CACNG2: variants seen among roughly 807,000 people sequenced by gnomAD.
CACNG2 encodes the protein voltage-dependent calcium channel gamma-2 subunit.
Under a neutral mutation model 25.9 loss-of-function variants are expected in CACNG2, and 3 were observed. That is an observed-to-expected ratio of 0.12 (90% CI 0.05 to 0.30). The LOEUF is 0.30. Ranked by LOEUF, CACNG2 falls within the 10% of genes least tolerant of loss-of-function variation. The pLI is 1.00. For missense variants in CACNG2, 341 were observed against 432.5 expected (o/e 0.79, Z 1.88); for synonymous variants, 167 against 173.3 (o/e 0.96, Z 0.29).
chr22:36,627,783 C>T (rs1936206197), intron 1 of CACNG2, among the ~76,000 whole-genome samples: 1 of 151,964 alleles, frequency 6.6e-6, no homozygotes. Flanking sequence ...CCACCATGCC[C>T]AGCAATTGAC....
chr22:36,684,653 T>A (rs1454338411), intron 1 of CACNG2, among the ~76,000 whole-genome samples: 1 of 151,454 alleles, frequency 6.6e-6, no homozygotes, highest in Non-Finnish European at 1.5e-5. Context: ...AAGATATGTG[T>A]TTGATTAATA....
chr22:36,609,659 CCCCCAGAGCGTGATCG>C (rs1935901821), intron 1 of CACNG2, among the ~76,000 whole-genome samples: 1 of 130,522 alleles, frequency 7.7e-6, no homozygotes, highest in African/African-American at 3.3e-5. Flanking sequence ...AGGAATCAGC[CCCCCAGAGCGTGATCG>C]GGCAGGAATC....
chr22:36,577,509 G>A (rs1337446415), intron 2 of CACNG2, among the ~76,000 whole-genome samples: 2 of 152,044 alleles, frequency 1.3e-5, no homozygotes, highest in Non-Finnish European at 2.9e-5. Flanking sequence ...AATGAGCCAG[G>A]CGTGGTGGCG....
chr22:36,618,487 T>G (rs1222326707), intron 1 of CACNG2, among the ~76,000 whole-genome samples: 1 of 152,240 alleles, frequency 6.6e-6, no homozygotes, highest in East Asian at 1.9e-4. Context: ...TACCTTTCTC[T>G]AGTCCTGACA....
chr22:36,567,789 C>T (rs1935152543), intron 2 of CACNG2, among the ~76,000 whole-genome samples: 1 of 152,044 alleles, frequency 6.6e-6, no homozygotes, highest in Non-Finnish European at 1.5e-5. Context: ...GTCCTGGGAG[C>T]CATGGGCTAG....
chr22:36,607,005 G>A (rs1935846851), intron 1 of CACNG2, among the ~76,000 whole-genome samples: 1 of 151,642 alleles, frequency 6.6e-6, no homozygotes. Flanking sequence ...TGTGGTGTGT[G>A]TGTATGTCTG....
intron 1 of CACNG2, among the ~76,000 whole-genome samples, chr22:36,601,725 C>T (rs1485644829): frequency 6.6e-6 from 1 of 152,146 alleles, no homozygotes. Context: ...CCTTGTGATC[C>T]ATGCGCCTCG....
At chr22:36,655,793 CTTCT>C (rs1183521013) in intron 1 of CACNG2, among the ~76,000 whole-genome samples, 7 of 122,034 alleles carry the variant, frequency 5.7e-5, no homozygotes, top group African/African-American at 2.2e-4. Flanking sequence ...TCCTTCCTTC[CTTCT>C]TTCTTCTTTC....
At chr22:36,575,686 C>T (rs1935301251) in intron 2 of CACNG2, among the ~76,000 whole-genome samples, 1 of 152,168 alleles carries the variant, frequency 6.6e-6, no homozygotes, top group South Asian at 2.1e-4. Flanking sequence ...GGCCCTGTCC[C>T]TCAATGATGG....
At chr22:36,639,191 G>C (rs1936404794) in intron 1 of CACNG2, among the ~76,000 whole-genome samples, 2 of 152,264 alleles carry the variant, frequency 1.3e-5, no homozygotes, top group South Asian at 4.2e-4. Context: ...CTATCAAGTG[G>C]AGCCAACAAC....
At chr22:36,699,185 C>T (rs1423156451) in intron 1 of CACNG2, among the ~76,000 whole-genome samples, 4 of 152,056 alleles carry the variant, frequency 2.6e-5, no homozygotes, top group Non-Finnish European at 5.9e-5. Flanking sequence ...TCATCTCCCA[C>T]CCACGCTCCT....
At chr22:36,648,766 CT>C (rs1936565926) in intron 1 of CACNG2, among the ~76,000 whole-genome samples, 1 of 152,164 alleles carries the variant, frequency 6.6e-6, no homozygotes, top group South Asian at 2.1e-4. Context: ...TGGGAATCTT[CT>C]TTGCTTTTTT....
intron 1 of CACNG2, among the ~76,000 whole-genome samples, chr22:36,694,963 C>T (rs748045372): frequency 6.6e-6 from 1 of 152,138 alleles, no homozygotes; most frequent in East Asian, 1.9e-4. Context: ...CTCCTGTACT[C>T]CCAGCACTTT....
intron 1 of CACNG2, among the ~76,000 whole-genome samples, chr22:36,687,988 A>G (rs1459636407): frequency 1.3e-5 from 2 of 152,164 alleles, no homozygotes; most frequent in Non-Finnish European, 2.9e-5. Flanking sequence ...ATCAGATAAT[A>G]GGTTTTTGTT....
intron 2 of CACNG2, among the ~76,000 whole-genome samples, chr22:36,582,335 G>C (rs1935431173): frequency 6.6e-6 from 1 of 151,500 alleles, no homozygotes; most frequent in South Asian, 2.1e-4. Context: ...ACGGGGCTCA[G>C]TCCTATTCCT....
chr22:36,586,554 G>C (rs574660458), intron 2 of CACNG2, among the ~76,000 whole-genome samples: 3 of 152,322 alleles, frequency 2.0e-5, no homozygotes, highest in African/African-American at 7.2e-5. Context: ...AGTAATTATT[G>C]AAAGAGACAG....
chr22:36,562,317 T>C lies in CACNG2; in HGVS notation c.*2034A>G, dbSNP rs1453765660. 6.6e-6 allele frequency: 1 copy of C among 152,144 alleles called. No homozygotes were observed. 9.4% of individuals were successfully genotyped at this position (152,144 alleles called of 1,614,324 possible). A position where few individuals can be genotyped will look rare whatever the true frequency, so the allele number is the denominator to read the frequency against. On this transcript the variant is annotated 3_prime_UTR_variant, in exon 4 of 4. Transcript: ENST00000300105. ...CAGGTGGCAGATCTTAAGTCACAGA[T>C]ACATAGAGCAAGAATGGGCCTTTAG...
At chr22:36,599,245 C>T (rs1365115874) in intron 1 of CACNG2, among the ~76,000 whole-genome samples, 1 of 142,042 alleles carries the variant, frequency 7.0e-6, no homozygotes, top group Non-Finnish European at 1.5e-5. Context: ...AGATGAATTC[C>T]ACAAACATAA....
intron 1 of CACNG2, among the ~76,000 whole-genome samples, chr22:36,603,678 C>G (rs1310880666): frequency 2.0e-5 from 3 of 152,150 alleles, no homozygotes; most frequent in Non-Finnish European, 4.4e-5. Flanking sequence ...TCTACTCTAC[C>G]TGTGCTCTAT....
Sources: gnomAD v4.1 joint callset for allele counts (sites outside exome capture counted in the v4.1 genomes callset) on GRCh38, gnomAD v4.1.1 for gene constraint, MANE v1.5 for transcripts, NCBI Gene and HGNC (gene_info 2026-07-23, HGNC 2026-07-21) for gene names.